Variants in SOX13 observed in about 807,000 individuals in gnomAD.
SOX13 encodes the protein SRY-box transcription factor 13.
A neutral mutation model predicts 71.8 loss-of-function variants in SOX13; 28 were observed. The observed-to-expected ratio is 0.39, with a 90% CI of 0.29 to 0.53. SOX13 has a LOEUF of 0.53. Among genes scored for constraint, SOX13 ranks in the 20% least tolerant of loss-of-function variants. The pLI is 0.70. For missense variants in SOX13, 627 were observed against 810.3 expected, an observed-to-expected ratio of 0.77 and a Z score of 2.75; for synonymous variants, 309 against 317.8, an observed-to-expected ratio of 0.97 and a Z score of 0.29.
chr1:204,108,913 A>G (rs1480849456), intron 1 of SOX13, among the ~76,000 whole-genome samples: 1 of 152,148 alleles, frequency 6.6e-6, no homozygotes, highest in Admixed American at 6.5e-5. Context: ...CAGCGGTTTG[A>G]TTAATTCACA....
chr1:204,116,676 G>A lies in SOX13; in HGVS notation c.588G>A (p.Glu196=). ...QQMELARQQQ[E]QIAKQQQQLI... ...TGGAGCTTGCCCGGCAGCAGCAGGA[G>A]CAGGTAGGTCCTGTTCGGTGGGTGT... Residue 196 remains glutamate, a synonymous_variant, in exon 5 of 14, where the codon GAG becomes GAA. Coordinates refer to ENST00000367204, the MANE Select transcript of SOX13 (RefSeq NM_005686.3). 1 of 1,613,502 alleles carries A rather than the reference G, an allele frequency of 6.2e-7. No individual in the cohort carries two copies. Among genetic ancestry groups the A allele is most frequent in the Non-Finnish European group, 8.5e-7 (1 of 1,179,758 alleles).
Position 204,117,577 on chromosome 1 carries a change from G to T in SOX13, c.661-16G>T, listed in dbSNP as rs974894934. ...TTGGGTCCCTGGGGACTCACACAGGGTTTCTTTGCCTTCAGCAGGTTAACA... is the reference window on the plus strand; with the variant it reads ...TTGGGTCCCTGGGGACTCACACAGGTTTTCTTTGCCTTCAGCAGGTTAACA... On this transcript the variant is annotated splice_polypyrimidine_tract_variant and intron_variant, in intron 6 of 13. Coordinates refer to ENST00000367204, the MANE Select transcript of SOX13 (RefSeq NM_005686.3). 7.6e-5 allele frequency: 119 copies of T among 1,569,716 alleles called. No homozygotes were observed. Among genetic ancestry groups the T allele is most frequent in the Non-Finnish European group, 9.8e-5 (112 of 1,145,734 alleles).
chr1:204,098,954 C>G (rs28414754), intron 1 of SOX13, among the ~76,000 whole-genome samples: 42,533 of 152,144 alleles, frequency 0.28, 6,280 homozygotes, highest in Middle Eastern at 0.42. Flanking sequence ...GCCTGTGAAA[C>G]CAGGGGTTTT....
In SOX13 at chr1:204,124,830, A is replaced by G. The variant is rs1386075021; in HGVS notation, c.1565A>G (p.Gln522Arg). The G allele has an allele frequency of 1.3e-6, 2 of 1,577,570 alleles. No homozygotes were observed. Among genetic ancestry groups the G allele is most frequent in the Non-Finnish European group, 1.7e-6 (2 of 1,162,460 alleles). The change falls in exon 13 of 14, where the codon CAG becomes CGG. Residue 522 changes from glutamine (Q) to arginine (R), a missense_variant. Gln to Arg is a conservative substitution (Grantham distance 43, BLOSUM62 1). Around this residue, in one of 3 missense-constraint regions of SOX13, gnomAD observed 148 missense variants for 192.7 expected, o/e 0.77. Transcript: ENST00000367204. Reference sequence around the variant, plus strand: ...AAGGCCCTGATGAGGACCCGGCGTCAGGATGCCCGCCAGAGCTACGTGATC... The same window carrying G: ...AAGGCCCTGATGAGGACCCGGCGTCGGGATGCCCGCCAGAGCTACGTGATC... ...EYKALMRTRR[Q>R]DARQSYVIPP...
intron 1 of SOX13, among the ~76,000 whole-genome samples, chr1:204,077,150 G>A (rs950664375): frequency 2.0e-5 from 3 of 152,202 alleles, no homozygotes; most frequent in African/African-American, 7.2e-5. Flanking sequence ...CTGGAGACAG[G>A]GGATTGCAGG....
chr1:204,096,488 C>T (rs1389226988), intron 1 of SOX13, among the ~76,000 whole-genome samples: 1 of 151,642 alleles, frequency 6.6e-6, no homozygotes, highest in African/African-American at 2.4e-5. Context: ...GGGTTGTCGG[C>T]TCACTGCAGC....
At chr1:204,117,243 A>C in intron 6 of SOX13, 53 bp downstream of exon 6, 1 of 1,520,470 alleles carries the variant, frequency 6.6e-7, no homozygotes, top group Non-Finnish European at 9.1e-7. Flanking sequence ...GGGAGTTGAC[A>C]CCGGCCTGGA....
chr1:204,081,150 T>A lies in SOX13; in HGVS notation c.-2+7439T>A, dbSNP rs1264849524. 1.3e-5 allele frequency among the ~76,000 whole-genome samples: 2 copies of A among 152,060 alleles called. No individual in the cohort carries two copies. Among genetic ancestry groups the A allele is most frequent in the East Asian group, 3.9e-4 (2 of 5,180 alleles). Reference sequence around the variant, plus strand: ...CTGGTCTCGAACTCCCGACCTCAGGTGATCCGCCTGCTTTGGCCTCCCGAA... The same window carrying A: ...CTGGTCTCGAACTCCCGACCTCAGGAGATCCGCCTGCTTTGGCCTCCCGAA... On this transcript the variant is annotated intron_variant, in intron 1 of 13. Coordinates refer to ENST00000367204, the MANE Select transcript of SOX13 (RefSeq NM_005686.3). This position sits in a 1 kb window ranked among gnomAD's most constrained non-coding sequence, Gnocchi z 4.3.
intron 1 of SOX13, among the ~76,000 whole-genome samples, chr1:204,083,940 G>A (rs1288669734): frequency 6.6e-6 from 1 of 152,242 alleles, no homozygotes; most frequent in African/African-American, 2.4e-5. Context: ...TAAAGATCTG[G>A]AGGGTGGGGA....
chr1:204,120,637 TTGCCCAAATCC>T (rs1215049019), intron 7 of SOX13, among the ~76,000 whole-genome samples: 2 of 152,172 alleles, frequency 1.3e-5, no homozygotes, highest in Non-Finnish European at 2.9e-5. Context: ...CCATCTCTAC[TTGCCCAAATCC>T]TGCCCATCCT....
At chr1:204,100,632 T>C (rs1299496678) in intron 1 of SOX13, among the ~76,000 whole-genome samples, 1 of 152,168 alleles carries the variant, frequency 6.6e-6, no homozygotes, top group African/African-American at 2.4e-5. Flanking sequence ...AAACTTGCTT[T>C]AGTGGCGGGC....
Position 204,106,517 on chromosome 1 carries a change from A to ATT in SOX13, c.-1-6381_-1-6380dup, listed in dbSNP as rs34769472. ...TGGCTACTGGGTGACTCCAAAATAA[A>ATT]TTTTTTTTTTTTTTTTTTGAGAAGG... On this transcript the variant is annotated intron_variant, in intron 1 of 13. Transcript: ENST00000367204. 6.9e-3 allele frequency among the ~76,000 whole-genome samples: 966 copies of ATT among 140,040 alleles called. 9 individuals carry two copies. The highest frequency in any genetic ancestry group is 0.022 in the African/African-American group (814 of 37,806). The allele number at this position is 140,040 out of a possible 152,430, so 91.9% of individuals were successfully genotyped here. A position where few individuals can be genotyped will look rare whatever the true frequency, so the allele number is the denominator to read the frequency against.
Position 204,122,125 on chromosome 1 carries a change from TTCTG to T in SOX13, c.862-104_862-101del, listed in dbSNP as rs1306209451. 3.6e-6 allele frequency: 4 copies of T among 1,112,474 alleles called. No individual in the cohort carries two copies. The Admixed American group carries it at 7.0e-5, about 19-fold the overall frequency. The allele number at this position is 1,112,474 out of a possible 1,614,324, so 68.9% of individuals were successfully genotyped here. ...TCACCCGCTCCTTCTGCGTCCACTTTTCTGTCTGTCTCCTTGTGTGTTCTGGGTA... is the reference window on the plus strand; with the variant it reads ...TCACCCGCTCCTTCTGCGTCCACTTTTCTGTCTCCTTGTGTGTTCTGGGTA... On this transcript the variant is annotated intron_variant, in intron 8 of 13. Coordinates refer to ENST00000367204, the MANE Select transcript of SOX13 (RefSeq NM_005686.3).
chr1:204,126,327 G>A lies in SOX13; in HGVS notation c.*193G>A. ...CCCTTCCTGAGGAGCTGTTGGCCTGGGTGGGCAGGAACTGCAGTATGGCCA... is the reference window on the plus strand; with the variant it reads ...CCCTTCCTGAGGAGCTGTTGGCCTGAGTGGGCAGGAACTGCAGTATGGCCA... On this transcript the variant is annotated 3_prime_UTR_variant, in exon 14 of 14. Transcript: ENST00000367204. The A allele has an allele frequency of 1.5e-6, 1 of 654,032 alleles. No homozygotes were observed. The highest frequency in any genetic ancestry group is 2.8e-5 in the East Asian group (1 of 36,250). 40.5% of individuals were successfully genotyped at this position (654,032 alleles called of 1,614,324 possible). A position where few individuals can be genotyped will look rare whatever the true frequency, so the allele number is the denominator to read the frequency against.
intron 1 of SOX13, among the ~76,000 whole-genome samples, chr1:204,105,787 G>A (rs1195944258): frequency 6.6e-6 from 1 of 152,174 alleles, no homozygotes; most frequent in Admixed American, 6.5e-5. Context: ...AAAATGTGTT[G>A]AGGTTGGGCA....
intron 9 of SOX13, 91 bp downstream of exon 9, chr1:204,122,490 C>G: frequency 9.5e-7 from 1 of 1,053,386 alleles, no homozygotes. Flanking sequence ...CTTCTCCTCC[C>G]TGGGTTCCAG....
intron 1 of SOX13, among the ~76,000 whole-genome samples, chr1:204,095,803 G>C (rs1471078245): frequency 2.0e-5 from 3 of 152,124 alleles, no homozygotes; most frequent in Admixed American, 6.5e-5. Context: ...CTGAAACTCT[G>C]TTCCCATTAA....
chr1:204,117,261 G>A (rs1656713824), intron 6 of SOX13, 71 bp downstream of exon 6: 1 of 1,335,322 alleles, frequency 7.5e-7, no homozygotes, highest in Non-Finnish European at 1.1e-6. Flanking sequence ...GGAGGGTGCT[G>A]GGGACAGGGG....
chr1:204,080,416 C>T (rs914767052), intron 1 of SOX13, among the ~76,000 whole-genome samples: 5 of 152,170 alleles, frequency 3.3e-5, no homozygotes, highest in Admixed American at 3.3e-4. Context: ...ACAGACTGGG[C>T]AGGAGCCCTC....
Sources: allele counts gnomAD v4.1 joint callset (sites outside exome capture counted in the v4.1 genomes callset), GRCh38; gene constraint gnomAD v4.1.1; regional missense constraint gnomAD v4.1.1; non-coding constraint Gnocchi (gnomAD v3.1); transcripts MANE v1.5; gene names NCBI Gene and HGNC (gene_info 2026-07-23, HGNC 2026-07-21).